The following RNF222 variants were observed in gnomAD, a reference collection of about 807,000 sequenced individuals.
RNF222 encodes the protein RING finger protein LOC643904.
A neutral mutation model predicts 10.8 loss-of-function variants in RNF222; 14 were observed. The ratio of observed to expected loss-of-function variants is 1.30; its 90% CI spans 0.86 to 2.03. RNF222 has a LOEUF of 2.03. RNF222 is among the 30% of genes most tolerant of loss of function. The pLI is 0.00. For synonymous variants in RNF222, 141 were observed against 142.5 expected (o/e 0.99, Z 0.07); for missense variants, 298 against 295.8 (o/e 1.01, Z -0.06).
At chr17:8,396,519 C>G (rs1908042569) in intron 1 of RNF222, among the ~76,000 whole-genome samples, 1 of 152,112 alleles carries the variant, frequency 6.6e-6, no homozygotes, top group African/African-American at 2.4e-5. Flanking sequence ...CAATCCTTCT[C>G]CCTTCCAACA....
At chr17:8,397,256 T>C (rs1441301558) in intron 1 of RNF222, among the ~76,000 whole-genome samples, 1 of 152,134 alleles carries the variant, frequency 6.6e-6, no homozygotes, top group Non-Finnish European at 1.5e-5. Flanking sequence ...CCTTCCTCTT[T>C]AGGTTTAGAG....
Position 8,393,249 on chromosome 17 carries a change from G to A in RNF222, c.213C>T (p.Ser71=). ...TGGAGGGCCAGCGGGAGCTCTTCTT[G>A]CTGAGGAATGTGACGTAGCGGCAGA... is the stretch of plus-strand genomic sequence containing the variant. ...CPICRYVTFL[S]KKSSRWPSML... The change falls in exon 3 of 3, where the codon AGC becomes AGT. Residue 71 remains serine (S), a synonymous_variant. Coordinates refer to ENST00000399398, the MANE Select transcript of RNF222 (RefSeq NM_001146684.3). The A allele has an allele frequency of 1.3e-6, 2 of 1,551,236 alleles. No individual in the cohort carries two copies. Among genetic ancestry groups the A allele is most frequent in the Non-Finnish European group, 8.7e-7 (1 of 1,146,990 alleles).
rs1907820749 is a variant in RNF222 at position 8,391,447 on chromosome 17, G to A, written c.*1352C>T. The A allele has an allele frequency of 2.0e-5, 3 of 152,110 alleles. No individual in the cohort carries two copies. The highest frequency in any genetic ancestry group is 2.0e-4 in the Admixed American group (3 of 15,256). The allele number at this position is 152,110 out of a possible 1,614,324, so 9.4% of individuals were successfully genotyped here. On this transcript the variant is annotated 3_prime_UTR_variant, in exon 3 of 3. Transcript: ENST00000399398. Reference sequence around the variant, plus strand: ...CGGTCCCCAAATGACCAGCACTGCAGGCATTTAGGAACTAGATAAAACGTA... The same window carrying A: ...CGGTCCCCAAATGACCAGCACTGCAAGCATTTAGGAACTAGATAAAACGTA...
intron 1 of RNF222, among the ~76,000 whole-genome samples, chr17:8,396,635 A>G (rs1282072114): frequency 2.0e-5 from 3 of 151,898 alleles, no homozygotes; most frequent in African/African-American, 7.3e-5. Context: ...GCTTCCAACG[A>G]TGGCCTCTCT....
intron 2 of RNF222, 106 bp from the exon 3 acceptor site, chr17:8,393,592 G>A: frequency 7.2e-7 from 1 of 1,388,556 alleles, no homozygotes; most frequent in Non-Finnish European, 9.5e-7. Context: ...CCCTCTCCCT[G>A]TCTTCTGCCT....
Position 8,392,807 on chromosome 17 carries a change from GCTTC to G in RNF222, c.651_654del (p.Arg217SerfsTer77). 6.5e-7 allele frequency: 1 copy of G among 1,531,384 alleles called. No homozygotes were observed. Among genetic ancestry groups the G allele is most frequent in the Non-Finnish European group, 8.7e-7 (1 of 1,145,014 alleles). 94.9% of individuals were successfully genotyped at this position (1,531,384 alleles called of 1,614,324 possible). A position where few individuals can be genotyped will look rare whatever the true frequency, so the allele number is the denominator to read the frequency against. On this transcript the variant is annotated frameshift_variant, in exon 3 of 3. Transcript: ENST00000399398. LOFTEE classifies it high-confidence loss of function. This position sits in a 1 kb window ranked among gnomAD's most constrained non-coding sequence, Gnocchi z 4.3. The stretch of plus-strand genomic sequence containing the variant: ...CCTCCCTGAGGTGCGGCTCACGCCT[GCTTC>G]CTCACCAGCAGCACCCAGGGCAGGA...
At position 8,392,798 on chromosome 17, in the gene RNF222, C is replaced by G; in HGVS notation, c.*1G>C. On this transcript the variant is annotated 3_prime_UTR_variant, in exon 3 of 3. Transcript: ENST00000399398. The surrounding 1 kb of genome is among the most constrained non-coding windows in gnomAD (Gnocchi z 4.3). ...GCCCGGCGGCCTCCCTGAGGTGCGG[C>G]TCACGCCTGCTTCCTCACCAGCAGC... 5 of 1,530,822 alleles carry G rather than the reference C, an allele frequency of 3.3e-6. No individual in the cohort carries two copies. The highest frequency in any genetic ancestry group is 4.4e-6 in the Non-Finnish European group (5 of 1,144,696). The allele number at this position is 1,530,822 out of a possible 1,614,324, so 94.8% of individuals were successfully genotyped here. A position where few individuals can be genotyped will look rare whatever the true frequency, so the allele number is the denominator to read the frequency against.
rs1325797735 is a variant in RNF222, at chr17:8,393,138, G to A, written c.324C>T (p.Pro108=). 2 of 1,543,084 alleles carry A rather than the reference G, an allele frequency of 1.3e-6. No individual in the cohort carries two copies. Among genetic ancestry groups the A allele is most frequent in the Middle Eastern group, 1.7e-4 (1 of 5,930 alleles). Residue 108 remains proline, a synonymous_variant, in exon 3 of 3, where the codon CCC becomes CCT. Coordinates refer to ENST00000399398, the MANE Select transcript of RNF222 (RefSeq NM_001146684.3). The part of the protein sequence containing the change: ...PPLDSLGHTN[P]LAASSPAWRP... ...TCCAGGCAGGGGAGGAGGCGGCCAGGGGGTTTGTGTGGCCCAGGCTGTCCA... is the reference window on the plus strand; with the variant it reads ...TCCAGGCAGGGGAGGAGGCGGCCAGAGGGTTTGTGTGGCCCAGGCTGTCCA...
intron 2 of RNF222, among the ~76,000 whole-genome samples, 188 bp from the exon 3 acceptor site, chr17:8,393,674 C>T (rs979399531): frequency 6.6e-6 from 1 of 152,168 alleles, no homozygotes; most frequent in Non-Finnish European, 1.5e-5. Context: ...AAACCTAGAA[C>T]CCAGACCCTT....
rs1265309707 is a variant in RNF222, at chr17:8,391,657, G to T, written c.*1142C>A. 1.3e-5 allele frequency: 2 copies of T among 152,202 alleles called. No individual in the cohort carries two copies. Among genetic ancestry groups the T allele is most frequent in the African/African-American group, 4.8e-5 (2 of 41,454 alleles). 9.4% of individuals were successfully genotyped at this position (152,202 alleles called of 1,614,324 possible). ...GTTGACTTACGGACCTCAATAAACA[G>T]CCAATAGCTATCCCCGAATGACTCA... On this transcript the variant is annotated 3_prime_UTR_variant, in exon 3 of 3. Transcript: ENST00000399398.
rs1907970179 is a variant in RNF222 at position 8,394,299 on chromosome 17, G to A, written c.-147C>T. 6.6e-6 allele frequency: 1 copy of A among 152,200 alleles called. No homozygotes were observed. The highest frequency in any genetic ancestry group is 1.5e-5 in the Non-Finnish European group (1 of 68,048). The allele number at this position is 152,200 out of a possible 1,614,324, so 9.4% of individuals were successfully genotyped here. On this transcript the variant is annotated 5_prime_UTR_variant, in exon 2 of 3. An upstream open reading frame in the 5' UTR gains an earlier in-frame stop. Transcript: ENST00000399398. Reference sequence around the variant, plus strand: ...CCTTTGAGAATATGTCTGATACTTTGGAAATGCCCAGAAGTCACTGGTAGC... The same window carrying A: ...CCTTTGAGAATATGTCTGATACTTTAGAAATGCCCAGAAGTCACTGGTAGC...
At position 8,391,369 on chromosome 17, in the gene RNF222, A is replaced by T. The variant is rs1229134243; in HGVS notation, c.*1430T>A. The T allele has an allele frequency of 2.0e-5, 3 of 152,194 alleles. No homozygotes were observed. The highest frequency in any genetic ancestry group is 4.4e-5 in the Non-Finnish European group (3 of 68,054). 9.4% of individuals were successfully genotyped at this position (152,194 alleles called of 1,614,324 possible). A position where few individuals can be genotyped will look rare whatever the true frequency, so the allele number is the denominator to read the frequency against. On this transcript the variant is annotated 3_prime_UTR_variant, in exon 3 of 3. Coordinates refer to ENST00000399398, the MANE Select transcript of RNF222 (RefSeq NM_001146684.3). ...CAGAGAAGCCCACAAGTGCTTTTAAAGCAGCCCTCTCTATGTCCCAAATAT... is the reference window on the plus strand; with the variant it reads ...CAGAGAAGCCCACAAGTGCTTTTAATGCAGCCCTCTCTATGTCCCAAATAT...
chr17:8,393,856 G>A (rs1359634786), intron 2 of RNF222, among the ~76,000 whole-genome samples: 1 of 152,188 alleles, frequency 6.6e-6, no homozygotes, highest in Non-Finnish European at 1.5e-5. Flanking sequence ...TTCAGTGACG[G>A]AAGTGAAGAA....
chr17:8,396,066 T>C (rs183258837), intron 1 of RNF222, among the ~76,000 whole-genome samples: 45 of 152,344 alleles, frequency 3.0e-4, no homozygotes, highest in African/African-American at 8.7e-4. Flanking sequence ...TTGAAAAAGA[T>C]ATTTTTTTGA....
At position 8,393,257 on chromosome 17, in the gene RNF222, A is replaced by G. The variant is rs1428693766; in HGVS notation, c.205T>C (p.Phe69Leu). Residue 69 changes from phenylalanine to leucine, a missense_variant, in exon 3 of 3, where the codon TTC becomes CTC. Coordinates refer to ENST00000399398, the MANE Select transcript of RNF222 (RefSeq NM_001146684.3). ...CAGCGGGAGCTCTTCTTGCTGAGGA[A>G]TGTGACGTAGCGGCAGATGGGGCAG... ...LVCPICRYVT[F>L]LSKKSSRWPS... 27 of 1,551,122 alleles carry G rather than the reference A, an allele frequency of 1.7e-5. No individual in the cohort carries two copies. The highest frequency in any genetic ancestry group is 2.4e-5 in the Non-Finnish European group (27 of 1,146,958).
chr17:8,393,073 C>T lies in RNF222; in HGVS notation c.389G>A (p.Gly130Asp). The T allele has an allele frequency of 6.7e-7, 1 of 1,492,018 alleles. No homozygotes were observed. 92.4% of individuals were successfully genotyped at this position (1,492,018 alleles called of 1,614,324 possible). ...PGQARPPGSP[G>D]QSAQLPLDLL... Reference sequence around the variant, plus strand: ...GTCCAGGGGGAGCTGGGCGCTCTGGCCCGGGCTGCCTGGCGGCCTGGCCTG... The same window carrying T: ...GTCCAGGGGGAGCTGGGCGCTCTGGTCCGGGCTGCCTGGCGGCCTGGCCTG... Residue 130 changes from glycine to aspartate, a missense_variant, in exon 3 of 3, where the codon GGC becomes GAC. Gly to Asp is a moderately conservative substitution (Grantham distance 94, BLOSUM62 -1). Transcript: ENST00000399398.
rs1417915841 is a variant in RNF222, at chr17:8,392,975, C to T, written c.487G>A (p.Asp163Asn). The T allele has an allele frequency of 3.3e-6, 5 of 1,508,244 alleles. No homozygotes were observed. The highest frequency in any genetic ancestry group is 4.4e-6 in the Non-Finnish European group (5 of 1,134,612). 93.4% of individuals were successfully genotyped at this position (1,508,244 alleles called of 1,614,324 possible). Residue 163 changes from aspartate (D) to asparagine (N), a missense_variant, in exon 3 of 3, where the codon GAC (aspartate) becomes AAC (asparagine). Asp to Asn is a conservative substitution (Grantham distance 23, BLOSUM62 1). Transcript: ENST00000399398. The surrounding 1 kb of genome is among the most constrained non-coding windows in gnomAD (Gnocchi z 4.3). ...AGGCTGCGGCGGGGCAGCACGCTGTCCTGCTCCCCCAGGGGCATCCCGTGG... is the reference window on the plus strand; with the variant it reads ...AGGCTGCGGCGGGGCAGCACGCTGTTCTGCTCCCCCAGGGGCATCCCGTGG... Reference protein sequence around the residue: ...SRHGMPLGEQDSVLPRRSLAE... With the variant: ...SRHGMPLGEQNSVLPRRSLAE...
Position 8,392,548 on chromosome 17 carries a change from C to T in RNF222, c.*251G>A. 1 of 528,630 alleles carries T rather than the reference C, an allele frequency of 1.9e-6. No homozygotes were observed. Among genetic ancestry groups the T allele is most frequent in the South Asian group, 2.2e-5 (1 of 45,420 alleles). 32.7% of individuals were successfully genotyped at this position (528,630 alleles called of 1,614,324 possible). A position where few individuals can be genotyped will look rare whatever the true frequency, so the allele number is the denominator to read the frequency against. On this transcript the variant is annotated 3_prime_UTR_variant, in exon 3 of 3. Transcript: ENST00000399398. This position sits in a 1 kb window ranked among gnomAD's most constrained non-coding sequence, Gnocchi z 4.3. Reference sequence around the variant, plus strand: ...GGCAGTGACCACCCATCTTCCCAGCCTAGAGGAAGGGGAACGCATCTGCTG... The same window carrying T: ...GGCAGTGACCACCCATCTTCCCAGCTTAGAGGAAGGGGAACGCATCTGCTG...
rs1329313606 is a variant in RNF222 at position 8,393,131 on chromosome 17, C to T, written c.331G>A (p.Ala111Thr). The T allele has an allele frequency of 9.1e-6, 14 of 1,535,620 alleles. No individual in the cohort carries two copies. The highest frequency in any genetic ancestry group is 2.4e-5 in the South Asian group (2 of 82,528). The change falls in exon 3 of 3, where the codon GCC becomes ACC. Residue 111 changes from alanine to threonine, a missense_variant. Transcript: ENST00000399398. The part of the protein sequence containing the change: ...DSLGHTNPLA[A>T]SSPAWRPPPG... ...GGTGGCCTCCAGGCAGGGGAGGAGGCGGCCAGGGGGTTTGTGTGGCCCAGG... is the reference window on the plus strand; with the variant it reads ...GGTGGCCTCCAGGCAGGGGAGGAGGTGGCCAGGGGGTTTGTGTGGCCCAGG...
Sources: allele counts gnomAD v4.1 joint callset (sites outside exome capture counted in the v4.1 genomes callset), GRCh38; gene constraint gnomAD v4.1.1; non-coding constraint Gnocchi (gnomAD v3.1); transcripts MANE v1.5; gene names NCBI Gene and HGNC (gene_info 2026-07-23, HGNC 2026-07-21).